RBFOX1: variants seen among roughly 807,000 people sequenced by gnomAD.
The protein encoded by RBFOX1 is RNA binding fox-1 homolog 1.
In RBFOX1, 8 loss-of-function variants were observed where a neutral mutation model predicts 57.7. The observed-to-expected ratio is 0.14, with a 90% CI of 0.08 to 0.25. RBFOX1 has a LOEUF of 0.25. Ranked by LOEUF, RBFOX1 falls within the 10% of genes least tolerant of loss-of-function variation. The probability of loss-of-function intolerance (pLI) is 1.00; values close to 1 mark genes in which losing one functional copy is unlikely to be tolerated. For missense variants in RBFOX1, 611 were observed against 548.5 expected, an observed-to-expected ratio of 1.11 and a Z score of -1.14; for synonymous variants, 326 against 222.4, an observed-to-expected ratio of 1.47 and a Z score of -4.15.
At chr16:5,991,645 G>GTTTTTTTTTTT (rs60004233) in intron 4 of RBFOX1, among the ~76,000 whole-genome samples, 1 of 123,934 alleles carries the variant, frequency 8.1e-6, no homozygotes, top group Non-Finnish European at 1.8e-5. Flanking sequence ...TTATTAGATA[G>GTTTTTTTTTTT]TTTTTTTTTT....
rs369413667 is a variant in RBFOX1 at position 7,357,567 on chromosome 16, C to G, written c.28-160580C>G. ...TTTCATACTTACCCATCTTGTTTTG[C>G]TGCATACATTTTGAGCCCTATATGT... On this transcript the variant is annotated intron_variant, in intron 4 of 15. Coordinates refer to ENST00000550418, the MANE Select transcript of RBFOX1 (RefSeq NM_018723.4). 4.6e-5 allele frequency among the ~76,000 whole-genome samples: 7 copies of G among 152,286 alleles called. No homozygotes were observed. In the South Asian group the frequency reaches 1.0e-3, roughly 23 times the overall value.
intron 1 of RBFOX1, among the ~76,000 whole-genome samples, chr16:6,154,822 C>T (rs1330384788): frequency 6.6e-6 from 1 of 152,044 alleles, no homozygotes; most frequent in African/African-American, 2.4e-5. Flanking sequence ...TGAAAATAGC[C>T]TGTTCATTTG....
chr16:5,942,340 C>T (rs1205054274), intron 4 of RBFOX1, among the ~76,000 whole-genome samples: 2 of 152,090 alleles, frequency 1.3e-5, no homozygotes, highest in Non-Finnish European at 1.5e-5. Context: ...CAACGGTCCT[C>T]ATATGCTGAG....
chr16:7,425,593 C>G lies in RBFOX1; in HGVS notation c.28-92554C>G, dbSNP rs550117931. On this transcript the variant is annotated intron_variant, in intron 4 of 15. Coordinates refer to ENST00000550418, the MANE Select transcript of RBFOX1 (RefSeq NM_018723.4). ...TGTTCCTTCTGAAATTACATAGTTT[C>G]CTCTTGCTCATTCTGTTTCTAAACT... 6.8e-4 allele frequency among the ~76,000 whole-genome samples: 103 copies of G among 152,268 alleles called. 1 individual carries two copies. The South Asian group carries it at 7.9e-3, about 12-fold the overall frequency.
At chr16:7,585,319 C>G (rs2094044736) in intron 6 of RBFOX1, among the ~76,000 whole-genome samples, 1 of 152,190 alleles carries the variant, frequency 6.6e-6, no homozygotes, top group African/African-American at 2.4e-5. Flanking sequence ...CTGCCTAAAA[C>G]TAGGGCACTG....
At chr16:6,203,599 C>T (rs1168564332) in intron 1 of RBFOX1, among the ~76,000 whole-genome samples, 1 of 152,102 alleles carries the variant, frequency 6.6e-6, no homozygotes, top group East Asian at 1.9e-4. Flanking sequence ...TAGATACATA[C>T]CATCATGGGA....
chr16:6,006,653 G>A (rs2094929011), intron 4 of RBFOX1, among the ~76,000 whole-genome samples: 1 of 152,222 alleles, frequency 6.6e-6, no homozygotes, highest in African/African-American at 2.4e-5. Context: ...AGTTTGAGTT[G>A]AGTTTCTGTC....
At chr16:6,566,663 AGTCT>A (rs1374182071) in intron 2 of RBFOX1, among the ~76,000 whole-genome samples, 1 of 152,134 alleles carries the variant, frequency 6.6e-6, no homozygotes, top group African/African-American at 2.4e-5. Flanking sequence ...ACACTCCTCA[AGTCT>A]GTCTTCTCCA....
chr16:6,554,097 A>G (rs894118428), intron 2 of RBFOX1, among the ~76,000 whole-genome samples: 3 of 152,226 alleles, frequency 2.0e-5, no homozygotes. Flanking sequence ...ATGTCTGTGC[A>G]AAATGAAAAT....
rs571886629 is a variant in RBFOX1 at position 5,755,484 on chromosome 16, T to A, written c.319-111819T>A. 1.7e-3 allele frequency among the ~76,000 whole-genome samples: 263 copies of A among 152,294 alleles called. 1 individual carries two copies. Among genetic ancestry groups the A allele is most frequent in the African/African-American group, 6.2e-3 (257 of 41,560 alleles). On this transcript the variant is annotated intron_variant, in intron 3 of 19. Coordinates refer to the RBFOX1 transcript ENST00000641259. ...TGGCATGTGGCTGTTGAGTGTTAGG[T>A]AGACCAAAGCAGTAGCCCTAAGCTG...
chr16:7,058,921 G>A (rs1162104178), intron 4 of RBFOX1, among the ~76,000 whole-genome samples: 1 of 152,130 alleles, frequency 6.6e-6, no homozygotes, highest in Non-Finnish European at 1.5e-5. Context: ...TTGTGATACT[G>A]GAATGCAAAT....
intron 2 of RBFOX1, among the ~76,000 whole-genome samples, chr16:6,395,957 T>C (rs2092812986): frequency 6.7e-6 from 1 of 149,392 alleles, no homozygotes; most frequent in Non-Finnish European, 1.5e-5. Context: ...TCCCAGCTAC[T>C]TGGGAGGCTG....
intron 1 of RBFOX1, among the ~76,000 whole-genome samples, chr16:6,193,406 A>ATACATTATATATATATAC (rs1555545423): frequency 1.9e-5 from 2 of 107,646 alleles, no homozygotes; most frequent in Non-Finnish European, 3.9e-5. Flanking sequence ...ATATATATAT[A>ATACATTATATATATATAC]TATATATATA....
intron 1 of RBFOX1, among the ~76,000 whole-genome samples, chr16:6,056,103 C>G (rs559301737): frequency 7.6e-4 from 116 of 152,244 alleles, no homozygotes; most frequent in African/African-American, 2.8e-3. Flanking sequence ...CTAAGTGATG[C>G]CAGTATAAAC....
chr16:6,398,983 T>C (rs7206238), intron 2 of RBFOX1, among the ~76,000 whole-genome samples: 109,349 of 152,134 alleles, frequency 0.72, 40,309 homozygotes, highest in African/African-American at 0.89. Context: ...CCCGGATATC[T>C]GGGCATTTCC....
intron 3 of RBFOX1, among the ~76,000 whole-genome samples, chr16:6,898,567 G>A (rs534370218): frequency 1.9e-4 from 29 of 152,228 alleles, no homozygotes; most frequent in East Asian, 1.3e-3. Context: ...TGTGTTACAC[G>A]GTACATAAAC....
rs2065696185 is a variant in RBFOX1, at chr16:7,653,957, G to A, written c.890+10G>A. 7.3e-6 allele frequency: 11 copies of A among 1,497,390 alleles called. No individual in the cohort carries two copies. Among genetic ancestry groups the A allele is most frequent in the Non-Finnish European group, 9.7e-6 (11 of 1,130,416 alleles). The allele number at this position is 1,497,390 out of a possible 1,614,324, so 92.8% of individuals were successfully genotyped here. A position where few individuals can be genotyped will look rare whatever the true frequency, so the allele number is the denominator to read the frequency against. On this transcript the variant is annotated intron_variant, in intron 12 of 15. Coordinates refer to ENST00000550418, the MANE Select transcript of RBFOX1 (RefSeq NM_018723.4). ...TCCCGGCCTACGGCGGGTAAGTGGG[G>A]CAGCCTCCTGGGTGGGCCTCCCTGC... is the stretch of plus-strand genomic sequence containing the variant.
At chr16:6,760,593 C>T (rs1447789771) in intron 3 of RBFOX1, among the ~76,000 whole-genome samples, 6 of 152,124 alleles carry the variant, frequency 3.9e-5, no homozygotes, top group Non-Finnish European at 7.3e-5. Flanking sequence ...TCTTGTTTTG[C>T]GTTGGTAGAC....
chr16:6,984,594 A>G (rs1000753309), intron 3 of RBFOX1, among the ~76,000 whole-genome samples: 14 of 152,126 alleles, frequency 9.2e-5, no homozygotes, highest in Admixed American at 9.2e-4. Flanking sequence ...TTTATGCTGG[A>G]CAGAATCTTA....
Sources: allele counts gnomAD v4.1 joint callset (sites outside exome capture counted in the v4.1 genomes callset), GRCh38; gene constraint gnomAD v4.1.1; transcripts MANE v1.5; gene names NCBI Gene and HGNC (gene_info 2026-07-23, HGNC 2026-07-21).